OR3A1: variants seen among roughly 807,000 people sequenced by gnomAD.
OR3A1 encodes olfactory receptor family 3 subfamily A member 1.
For missense variants in OR3A1, 402 were observed against 393.8 expected, an observed-to-expected ratio of 1.02 and a Z score of -0.18; for synonymous variants, 145 against 160.0, an observed-to-expected ratio of 0.91 and a Z score of 0.71.
chr17:3,293,982 T>C (rs540834538), intron 1 of OR3A1, among the ~76,000 whole-genome samples: 1 of 152,062 alleles, frequency 6.6e-6, no homozygotes, highest in African/African-American at 2.4e-5. Flanking sequence ...GCGAGAACAT[T>C]AGGGAAAAGA....
intron 1 of OR3A1, among the ~76,000 whole-genome samples, chr17:3,295,592 CACTT>C (rs1351473506): frequency 6.6e-6 from 1 of 151,934 alleles, no homozygotes; most frequent in East Asian, 1.9e-4. Context: ...GTACCAAACA[CACTT>C]ACAATGATAA....
Position 3,291,986 on chromosome 17 carries a change from C to T in OR3A1, c.597G>A (p.Glu199=). Residue 199 remains glutamate (E), a synonymous_variant, in exon 2 of 2, where the codon GAG becomes GAA. Coordinates refer to ENST00000323404, the MANE Select transcript of OR3A1 (RefSeq NM_002550.3). ...TAAAACCCACAGCAAAAAGCAGCAG[C>T]TCATTGAGTTGGGTGCTGGAGCAGG... is the stretch of plus-strand genomic sequence containing the variant. ...QLSCSSTQLN[E]LLLFAVGFIM... The T allele has an allele frequency of 6.2e-7, 1 of 1,614,198 alleles. No individual in the cohort carries two copies. The highest frequency in any genetic ancestry group is 1.3e-5 in the African/African-American group (1 of 75,036).
At chr17:3,294,957 T>C (rs1324134286) in intron 1 of OR3A1, among the ~76,000 whole-genome samples, 2 of 152,182 alleles carry the variant, frequency 1.3e-5, no homozygotes, top group Non-Finnish European at 2.9e-5. Flanking sequence ...TTTGTTTTGT[T>C]TGTTTTTTTT....
At chr17:3,297,581 GC>G in intron 1 of OR3A1, among the ~76,000 whole-genome samples, 1 of 151,604 alleles carries the variant, frequency 6.6e-6, no homozygotes, top group Non-Finnish European at 1.5e-5. Context: ...ATACTTTACG[GC>G]TCTTAGCTCT....
intron 1 of OR3A1, among the ~76,000 whole-genome samples, chr17:3,294,028 G>T (rs1244512670): frequency 6.6e-6 from 1 of 152,012 alleles, no homozygotes; most frequent in African/African-American, 2.4e-5. Context: ...TAGGTGATGG[G>T]GTGATAGGTG....
At chr17:3,293,852 AGG>A (rs2048897480) in intron 1 of OR3A1, among the ~76,000 whole-genome samples, 1 of 152,220 alleles carries the variant, frequency 6.6e-6, no homozygotes, top group Non-Finnish European at 1.5e-5. Flanking sequence ...AAACTAATGC[AGG>A]AACAGGAAAC....
At chr17:3,297,047 T>A (rs1032482819) in intron 1 of OR3A1, among the ~76,000 whole-genome samples, 1 of 152,188 alleles carries the variant, frequency 6.6e-6, no homozygotes, top group African/African-American at 2.4e-5. Flanking sequence ...TCTACACAGG[T>A]TCATTTTATA....
At position 3,291,869 on chromosome 17, in the gene OR3A1, C is replaced by T; in HGVS notation, c.714G>A (p.Lys238=). ...VLRIRSVEGR[K]KAFSTCGSHL... is the part of the protein sequence containing the mutation. The stretch of plus-strand genomic sequence containing the variant: ...GGGAGCCACATGTGGAGAAGGCTTT[C>T]TTCCTGCCCTCTACAGAGCGAATTC... Residue 238 remains lysine (K), a synonymous_variant, in exon 2 of 2, where the codon AAG becomes AAA. Coordinates refer to ENST00000323404, the MANE Select transcript of OR3A1 (RefSeq NM_002550.3). 11 of 1,614,232 alleles carry T rather than the reference C, an allele frequency of 6.8e-6. No homozygotes were observed. Among genetic ancestry groups the T allele is most frequent in the Non-Finnish European group, 9.3e-6 (11 of 1,180,024 alleles).
intron 1 of OR3A1, among the ~76,000 whole-genome samples, chr17:3,294,529 A>T (rs1160960614): frequency 6.6e-6 from 1 of 152,218 alleles, no homozygotes; most frequent in South Asian, 2.1e-4. Flanking sequence ...TTTAAAACTC[A>T]ATTTTAATTA....
rs559881258 is a variant in OR3A1 at position 3,291,274 on chromosome 17, C to T, written c.*361G>A. 10 of 194,052 alleles carry T rather than the reference C, an allele frequency of 5.2e-5. No individual in the cohort carries two copies. The highest frequency in any genetic ancestry group is 1.7e-4 in the South Asian group (1 of 5,952). 12.0% of individuals were successfully genotyped at this position (194,052 alleles called of 1,614,324 possible). A position where few individuals can be genotyped will look rare whatever the true frequency, so the allele number is the denominator to read the frequency against. ...CTTGAGGGAAAAATATGACTTCTGG[C>T]GGGGAGTTTTCTGGGGTACTTCTGG... is the stretch of plus-strand genomic sequence containing the variant. On this transcript the variant is annotated 3_prime_UTR_variant, in exon 2 of 2. Transcript: ENST00000323404.
chr17:3,294,590 C>G (rs913076752), intron 1 of OR3A1, among the ~76,000 whole-genome samples: 1 of 151,988 alleles, frequency 6.6e-6, no homozygotes, highest in Non-Finnish European at 1.5e-5. Flanking sequence ...ACACTTTGTC[C>G]CAGGAAACAT....
At chr17:3,295,623 C>T (rs959329450) in intron 1 of OR3A1, among the ~76,000 whole-genome samples, 1 of 151,874 alleles carries the variant, frequency 6.6e-6, no homozygotes, top group Admixed American at 6.6e-5. Context: ...GTGGGCCAAG[C>T]TCATCTAGTA....
chr17:3,292,531 G>A lies in OR3A1; in HGVS notation c.52C>T (p.Leu18=), dbSNP rs778932658. Residue 18 remains leucine, a synonymous_variant, in exon 2 of 2, where the codon CTG becomes TTG. Coordinates refer to ENST00000323404, the MANE Select transcript of OR3A1 (RefSeq NM_002550.3). The stretch of plus-strand genomic sequence containing the variant: ...AGCCCTGGCGCCTCCAGCAAGCCCA[G>A]CAGGATGAACTCAGCAATGACTGTT... ...NGTVIAEFIL[L]GLLEAPGLQP... The A allele has an allele frequency of 4.3e-6, 7 of 1,614,060 alleles. No individual in the cohort carries two copies. In the Admixed American group the frequency reaches 1.2e-4, roughly 27 times the overall value.
rs190109560 is a variant in OR3A1, at chr17:3,293,667, A to G, written c.-6-1079T>C. Among the ~76,000 whole-genome samples, 272 of 152,348 alleles carry G rather than the reference A, an allele frequency of 1.8e-3. 1 individual carries two copies. Among genetic ancestry groups the G allele is most frequent in the African/African-American group, 5.8e-3 (243 of 41,586 alleles). On this transcript the variant is annotated intron_variant, in intron 1 of 1. Transcript: ENST00000323404. ...CCATCAAAGAATGTTGCCAATGAAC[A>G]TATGAAAACTGTTACCTGGCAAAGA...
intron 1 of OR3A1, among the ~76,000 whole-genome samples, chr17:3,296,318 T>A (rs1344235766): frequency 6.6e-6 from 1 of 152,058 alleles, no homozygotes. Context: ...GCAGCACATT[T>A]TAAAAAATGG....
Position 3,292,445 on chromosome 17 carries a change from G to A in OR3A1, c.138C>T (p.Leu46=). 2 of 1,613,952 alleles carry A rather than the reference G, an allele frequency of 1.2e-6. No individual in the cohort carries two copies. The part of the protein sequence containing the change: ...FAYLVTVRGN[L]SILAAVLVEP... ...CCACCAAGACAGCTGCCAGGATGCTGAGGTTGCCCCTGACCGTGACCAGGT... is the reference window on the plus strand; with the variant it reads ...CCACCAAGACAGCTGCCAGGATGCTAAGGTTGCCCCTGACCGTGACCAGGT... Residue 46 remains leucine, a synonymous_variant, in exon 2 of 2, where the codon CTC becomes CTT. Coordinates refer to ENST00000323404, the MANE Select transcript of OR3A1 (RefSeq NM_002550.3).
Position 3,291,580 on chromosome 17 carries a change from A to G in OR3A1, c.*55T>C, listed in dbSNP as rs970923744. On this transcript the variant is annotated 3_prime_UTR_variant, in exon 2 of 2. Transcript: ENST00000323404. ...CATTTTTTTCCTAGTTTCTGGCTCT[A>G]GAAGACTTTTCCTTTAGTACAAGAC... 1.1e-5 allele frequency: 15 copies of G among 1,418,970 alleles called. No individual in the cohort carries two copies. Among genetic ancestry groups the G allele is most frequent in the South Asian group, 7.1e-5 (5 of 70,512 alleles). 87.9% of individuals were successfully genotyped at this position (1,418,970 alleles called of 1,614,324 possible).
At chr17:3,295,883 T>C (rs12946349) in intron 1 of OR3A1, among the ~76,000 whole-genome samples, 2,676 of 152,276 alleles carry the variant, frequency 0.018, 34 homozygotes, top group Middle Eastern at 0.075. Flanking sequence ...ACGAATGTCC[T>C]AAGTATATAG....
At chr17:3,296,611 C>G (rs1055749833) in intron 1 of OR3A1, among the ~76,000 whole-genome samples, 2 of 152,046 alleles carry the variant, frequency 1.3e-5, no homozygotes, top group African/African-American at 4.8e-5. Flanking sequence ...AAAATAATCA[C>G]AATTACATTA....
Sources: allele counts gnomAD v4.1 joint callset (sites outside exome capture counted in the v4.1 genomes callset), GRCh38; gene constraint gnomAD v4.1.1; transcripts MANE v1.5; gene names NCBI Gene and HGNC (gene_info 2026-07-23, HGNC 2026-07-21).